The following SETD2 variants were observed in gnomAD, a reference collection of about 807,000 sequenced individuals.
The protein encoded by SETD2 is SET domain containing 2, histone lysine methyltransferase.
A neutral mutation model predicts 242.1 loss-of-function variants in SETD2; 31 were observed. That is an observed-to-expected ratio of 0.13 (90% CI 0.10 to 0.17). SETD2 has a LOEUF of 0.17. SETD2 is among the 10% of genes least tolerant of loss of function. The pLI is 1.00. For synonymous variants in SETD2, 1,006 were observed against 1,066.5 expected (o/e 0.94, Z 1.11); for missense variants, 2,481 against 3,046.3 (o/e 0.81, Z 4.37).
At chr3:47,088,377 T>C (rs2041656947) in intron 9 of SETD2, 130 bp from the exon 10 acceptor site, 1 of 800,230 alleles carries the variant, frequency 1.2e-6, no homozygotes. Context: ...GGGAAAGTAC[T>C]AGACTGGGGG....
chr3:47,099,113 T>C (rs1001461658), intron 8 of SETD2, among the ~76,000 whole-genome samples: 4 of 152,184 alleles, frequency 2.6e-5, no homozygotes, highest in Non-Finnish European at 5.9e-5. Context: ...TTCACTATGT[T>C]TAAGACATGA....
intron 15 of SETD2, among the ~76,000 whole-genome samples, chr3:47,047,726 G>C (rs1488929239): frequency 6.6e-6 from 1 of 152,120 alleles, no homozygotes; most frequent in African/African-American, 2.4e-5. Context: ...TAATAAACCA[G>C]ACTGAAAAAC....
intron 1 of SETD2, among the ~76,000 whole-genome samples, chr3:47,161,212 G>A (rs771612406): frequency 2.0e-5 from 3 of 152,058 alleles, no homozygotes; most frequent in Admixed American, 6.6e-5. Flanking sequence ...ACTTACACGT[G>A]CCACATTCTG....
At position 47,084,221 on chromosome 3, in the gene SETD2, T is replaced by C. The variant is rs1419431011; in HGVS notation, c.5559A>G (p.Thr1853=). ...YSSENTSRAH[T]PLNTPDPSTK... ...TGGAAGGATCAGGTGTGTTGAGTGG[T>C]GTATGAGCACGCGATGTATTCTCAC... Residue 1853 remains threonine, a synonymous_variant, in exon 12 of 21, where the codon ACA becomes ACG. Coordinates refer to ENST00000409792, the MANE Select transcript of SETD2 (RefSeq NM_014159.7). 3.7e-6 allele frequency: 6 copies of C among 1,614,024 alleles called. No individual in the cohort carries two copies. Among genetic ancestry groups the C allele is most frequent in the Non-Finnish European group, 5.1e-6 (6 of 1,180,024 alleles).
intron 18 of SETD2, among the ~76,000 whole-genome samples, chr3:47,032,889 G>A (rs1358342011): frequency 6.6e-6 from 1 of 151,722 alleles, no homozygotes; most frequent in Non-Finnish European, 1.5e-5. Context: ...CCCAGCCTGG[G>A]CAACAGAACT....
chr3:47,111,741 C>T (rs963598168), intron 5 of SETD2, among the ~76,000 whole-genome samples: 1 of 148,198 alleles, frequency 6.7e-6, no homozygotes. Context: ...CATTTCTTAT[C>T]TTCAAAGGAA....
At position 47,069,534 on chromosome 3, in the gene SETD2, A is replaced by C. The variant is rs1302198532; in HGVS notation, c.6061-2416T>G. Reference sequence around the variant, plus strand: ...CTCCTCAGATGATTCTGATGCACAGAGAAGGCTGAGAACTACTGAACTACT... The same window carrying C: ...CTCCTCAGATGATTCTGATGCACAGCGAAGGCTGAGAACTACTGAACTACT... On this transcript the variant is annotated intron_variant, in intron 12 of 20. Transcript: ENST00000409792. Among the ~76,000 whole-genome samples the C allele has an allele frequency of 2.0e-5, 3 of 152,340 alleles. No individual in the cohort carries two copies. The East Asian group carries it at 5.8e-4, about 29-fold the overall frequency.
rs1384588005 is a variant in SETD2, at chr3:47,122,989, G to A, written c.1647C>T (p.Asp549=). Residue 549 remains aspartate (D), a synonymous_variant, in exon 3 of 21, where the codon GAC becomes GAT. Coordinates refer to ENST00000409792, the MANE Select transcript of SETD2 (RefSeq NM_014159.7). ...TAGATTTATAACGGGAAGCACTACTGTCATGCTTAGAATATGATGACCCTC... is the reference window on the plus strand; with the variant it reads ...TAGATTTATAACGGGAAGCACTACTATCATGCTTAGAATATGATGACCCTC... ...FRRGSSYSKH[D]SSASRYKSTL... The A allele has an allele frequency of 6.2e-7, 1 of 1,613,798 alleles. No homozygotes were observed. Among genetic ancestry groups the A allele is most frequent in the Non-Finnish European group, 8.5e-7 (1 of 1,179,670 alleles).
intron 18 of SETD2, among the ~76,000 whole-genome samples, chr3:47,036,339 G>A (rs1391036675): frequency 6.6e-6 from 1 of 152,156 alleles, no homozygotes; most frequent in Non-Finnish European, 1.5e-5. Flanking sequence ...CAGATTGCTT[G>A]AGGTCAGGAG....
chr3:47,161,458 C>T (rs1466659811), intron 1 of SETD2, among the ~76,000 whole-genome samples: 1 of 152,152 alleles, frequency 6.6e-6, no homozygotes, highest in Non-Finnish European at 1.5e-5. Flanking sequence ...AACTAGCTTA[C>T]TATCTCAAGA....
At chr3:47,110,067 G>A (rs1203455541) in intron 5 of SETD2, among the ~76,000 whole-genome samples, 7 of 150,364 alleles carry the variant, frequency 4.7e-5, no homozygotes, top group Admixed American at 4.7e-4. Context: ...ACCCATACAA[G>A]AGAGTATTAT....
chr3:47,086,324 G>T lies in SETD2; in HGVS notation c.5278-10C>A. 6.2e-7 allele frequency: 1 copy of T among 1,610,600 alleles called. No individual in the cohort carries two copies. Among genetic ancestry groups the T allele is most frequent in the Non-Finnish European group, 8.5e-7 (1 of 1,177,724 alleles). On this transcript the variant is annotated splice_polypyrimidine_tract_variant and intron_variant, in intron 10 of 20. Transcript: ENST00000409792. Reference sequence around the variant, plus strand: ...ACTGTGAGTGTGTGTTCTTTCATGGGGGAAGGGAGACACGATGCAGAGCAT... The same window carrying T: ...ACTGTGAGTGTGTGTTCTTTCATGGTGGAAGGGAGACACGATGCAGAGCAT...
chr3:47,146,348 C>T (rs1049172193), intron 1 of SETD2, among the ~76,000 whole-genome samples: 1 of 151,992 alleles, frequency 6.6e-6, no homozygotes, highest in Non-Finnish European at 1.5e-5. Flanking sequence ...CTTCATATAG[C>T]CGGGTGTGGT....
chr3:47,144,340 T>C (rs567573045), intron 1 of SETD2, among the ~76,000 whole-genome samples: 3 of 151,476 alleles, frequency 2.0e-5, no homozygotes, highest in African/African-American at 7.3e-5. Context: ...AAAAAAATTA[T>C]AAAAATAAAT....
In SETD2 at chr3:47,163,908, G is replaced by GGCTGCA. The variant is rs768486976; in HGVS notation, c.11_16dup (p.Leu4_Gln5dup). On this transcript the variant is annotated inframe_insertion, in exon 1 of 21. Coordinates refer to ENST00000409792, the MANE Select transcript of SETD2 (RefSeq NM_014159.7). ...ATCCCCCATCTTCGGAGGCGGCTGC[G>GGCTGCA]GCTGCAGCTGCTTCATCGGGAGCGG... 11 of 1,313,598 alleles carry GGCTGCA rather than the reference G, an allele frequency of 8.4e-6. No homozygotes were observed. The highest frequency in any genetic ancestry group is 2.0e-4 in the Middle Eastern group (1 of 4,932). 81.4% of individuals were successfully genotyped at this position (1,313,598 alleles called of 1,614,324 possible). A position where few individuals can be genotyped will look rare whatever the true frequency, so the allele number is the denominator to read the frequency against.
chr3:47,074,443 T>C (rs192011097), intron 12 of SETD2, among the ~76,000 whole-genome samples: 11 of 152,332 alleles, frequency 7.2e-5, no homozygotes, highest in South Asian at 2.1e-4. Context: ...GTCCTAGGCA[T>C]AGTACCAAAG....
intron 12 of SETD2, among the ~76,000 whole-genome samples, chr3:47,072,294 T>C (rs956121844): frequency 6.6e-5 from 10 of 151,780 alleles, no homozygotes; most frequent in South Asian, 2.1e-4. Context: ...GGCGACAGAG[T>C]GAGACTCTGT....
At chr3:47,074,378 T>G (rs924178303) in intron 12 of SETD2, among the ~76,000 whole-genome samples, 4 of 152,134 alleles carry the variant, frequency 2.6e-5, no homozygotes, top group Non-Finnish European at 4.4e-5. Context: ...TGTGCAGAAA[T>G]AGCCTGTTTT....
At chr3:47,128,001 AC>A (rs1452311208) in intron 1 of SETD2, among the ~76,000 whole-genome samples, 11 of 152,136 alleles carry the variant, frequency 7.2e-5, no homozygotes, top group Non-Finnish European at 1.6e-4. Flanking sequence ...TCTCACACAC[AC>A]ACACACACAC....
Sources: gnomAD v4.1 joint callset for allele counts (sites outside exome capture counted in the v4.1 genomes callset) on GRCh38, gnomAD v4.1.1 for gene constraint, MANE v1.5 for transcripts, NCBI Gene and HGNC (gene_info 2026-07-23, HGNC 2026-07-21) for gene names.